The following SH3BGRL variants were observed in gnomAD, a reference collection of about 807,000 sequenced individuals.
SH3BGRL encodes SH3 domain binding glutamate rich protein like, also known as adapter SH3BGRL.
SH3BGRL carries 7 observed loss-of-function variants against 9.8 expected under a neutral mutation model. The observed-to-expected ratio is 0.72, with a 90% CI of 0.41 to 1.35. The LOEUF (loss-of-function observed/expected upper bound fraction) is 1.35. SH3BGRL is among the 40% of genes most tolerant of loss of function. The pLI, the probability that SH3BGRL is intolerant of heterozygous loss-of-function variation, is 0.01. For missense variants in SH3BGRL, 73 were observed against 84.4 expected (o/e 0.86, Z 0.53); for synonymous variants, 36 against 29.1 (o/e 1.24, Z -0.76).
intron 1 of SH3BGRL, among the ~76,000 whole-genome samples, chrX:81,250,406 CAAAA>C (rs60249894): frequency 1.2e-5 from 1 of 80,109 alleles, no homozygotes. Context: ...GACTCCGTCT[CAAAA>C]AAAAAAAAAA....
At chrX:81,215,737 G>A (rs1433296592) in intron 1 of SH3BGRL, among the ~76,000 whole-genome samples, 3 of 111,459 alleles carry the variant, frequency 2.7e-5, no homozygotes, top group Non-Finnish European at 3.8e-5. Flanking sequence ...CTTATTGAAT[G>A]ACAGTTCTGA....
At chrX:81,279,085 G>A (rs935918422) in intron 3 of SH3BGRL, among the ~76,000 whole-genome samples, 4 of 111,913 alleles carry the variant, frequency 3.6e-5, no homozygotes, top group Admixed American at 9.5e-5. Context: ...GTCATTTTAT[G>A]TTTTGCTCTT....
intron 1 of SH3BGRL, among the ~76,000 whole-genome samples, chrX:81,259,832 T>G (rs1469158531): frequency 8.9e-6 from 1 of 112,331 alleles, no homozygotes; most frequent in African/African-American, 3.2e-5. Context: ...AACTTCACAC[T>G]TTATTTGACT....
intron 1 of SH3BGRL, among the ~76,000 whole-genome samples, chrX:81,231,585 G>A (rs1301708985): frequency 8.9e-6 from 1 of 112,145 alleles, no homozygotes; most frequent in Non-Finnish European, 1.9e-5. Context: ...GCAGTTTGTT[G>A]CTGTATGTAG....
chrX:81,230,102 G>A (rs2147679239), intron 1 of SH3BGRL, among the ~76,000 whole-genome samples: 1 of 111,648 alleles, frequency 9.0e-6, no homozygotes, highest in Admixed American at 9.5e-5. Context: ...ACTCAAAAAT[G>A]ACTATACATT....
rs897866666 is a variant in SH3BGRL, at chrX:81,297,923, A to T, written c.*696A>T. 1 of 112,007 alleles carries T rather than the reference A, an allele frequency of 8.9e-6. No homozygotes were observed. The highest frequency in any genetic ancestry group is 3.2e-5 in the African/African-American group (1 of 30,926). The allele number at this position is 112,007 out of a possible 1,213,427, so 9.2% of individuals were successfully genotyped here. A position where few individuals can be genotyped will look rare whatever the true frequency, so the allele number is the denominator to read the frequency against. On this transcript the variant is annotated 3_prime_UTR_variant, in exon 4 of 4. Coordinates refer to ENST00000373212, the MANE Select transcript of SH3BGRL (RefSeq NM_003022.3). ...TGTTTAACTACACAGCTATGATGGA[A>T]TGATATATCCAAGTTCCTTGCCTCA...
At chrX:81,275,719 C>A (rs1176287225) in intron 1 of SH3BGRL, among the ~76,000 whole-genome samples, 1 of 112,191 alleles carries the variant, frequency 8.9e-6, no homozygotes, top group Non-Finnish European at 1.9e-5. Flanking sequence ...TTGCTAGATT[C>A]TAACTGATCT....
intron 3 of SH3BGRL, among the ~76,000 whole-genome samples, chrX:81,288,712 G>A (rs757617402): frequency 1.7e-4 from 19 of 110,700 alleles, no homozygotes; most frequent in African/African-American, 5.6e-4. Flanking sequence ...TAAATACCTA[G>A]GAATTAACTT....
chrX:81,278,632 C>T lies in SH3BGRL; in HGVS notation c.312+221C>T, dbSNP rs538749483. Among the ~76,000 whole-genome samples, 13 of 112,118 alleles carry T rather than the reference C, an allele frequency of 1.2e-4. No homozygotes were observed. In the South Asian group the frequency reaches 4.8e-3, roughly 41 times the overall value. Reference sequence around the variant, plus strand: ...GTTTAGCAGGTAGGTAGAGTGACTTCCCCATCAAGCTGCCCATGGGAGCAA... The same window carrying T: ...GTTTAGCAGGTAGGTAGAGTGACTTTCCCATCAAGCTGCCCATGGGAGCAA... On this transcript the variant is annotated intron_variant, in intron 3 of 3. Transcript: ENST00000373212.
At chrX:81,204,385 A>G (rs2075539424) in intron 1 of SH3BGRL, among the ~76,000 whole-genome samples, 1 of 111,717 alleles carries the variant, frequency 9.0e-6, no homozygotes, top group African/African-American at 3.3e-5. Context: ...TGCTGTACTA[A>G]AGTTTTCCTT....
intron 1 of SH3BGRL, among the ~76,000 whole-genome samples, chrX:81,208,118 C>T (rs1045669640): frequency 7.3e-5 from 8 of 110,338 alleles, no homozygotes; most frequent in Non-Finnish European, 1.5e-4. Flanking sequence ...AAAAAATAGC[C>T]GGGCGTGGTG....
chrX:81,237,746 A>G (rs147371591), intron 1 of SH3BGRL, among the ~76,000 whole-genome samples: 58 of 108,889 alleles, frequency 5.3e-4, no homozygotes, highest in South Asian at 1.7e-3. Flanking sequence ...AGCTACTAAG[A>G]CAATAGCTGG....
intron 1 of SH3BGRL, among the ~76,000 whole-genome samples, chrX:81,274,246 A>G (rs963470898): frequency 9.0e-5 from 10 of 111,478 alleles, no homozygotes; most frequent in African/African-American, 3.3e-4. Context: ...TAGGGAAATT[A>G]GGAAATTACC....
chrX:81,252,518 T>A (rs771196760), intron 1 of SH3BGRL, among the ~76,000 whole-genome samples: 1 of 111,615 alleles, frequency 9.0e-6, no homozygotes, highest in East Asian at 2.8e-4. Flanking sequence ...CGCTTTTTAG[T>A]AAAGGGGTAT....
chrX:81,211,224 C>T (rs2075562080), intron 1 of SH3BGRL, among the ~76,000 whole-genome samples: 1 of 111,543 alleles, frequency 9.0e-6, no homozygotes, highest in Non-Finnish European at 1.9e-5. Flanking sequence ...TGAGTGTCAA[C>T]TTGATTGGAT....
chrX:81,290,768 G>A (rs2075855373), intron 3 of SH3BGRL, among the ~76,000 whole-genome samples: 1 of 110,665 alleles, frequency 9.0e-6, no homozygotes, highest in Non-Finnish European at 1.9e-5. Context: ...TGGAGTTATG[G>A]ATACCCCGTT....
chrX:81,268,196 G>T (rs752888023), intron 1 of SH3BGRL, among the ~76,000 whole-genome samples: 101 of 109,567 alleles, frequency 9.2e-4, no homozygotes, highest in Non-Finnish European at 1.3e-3. Flanking sequence ...TTTTTGAAGG[G>T]TTTTTTTTGT....
At chrX:81,208,208 G>A (rs1481412740) in intron 1 of SH3BGRL, among the ~76,000 whole-genome samples, 1 of 111,150 alleles carries the variant, frequency 9.0e-6, no homozygotes. Flanking sequence ...GTTGCAGTGA[G>A]CCGAGATCGT....
At chrX:81,208,122 C>T (rs533658310) in intron 1 of SH3BGRL, among the ~76,000 whole-genome samples, 4 of 110,546 alleles carry the variant, frequency 3.6e-5, no homozygotes, top group African/African-American at 9.9e-5. Context: ...AATAGCCGGG[C>T]GTGGTGGCGG....
Sources: allele counts gnomAD v4.1 joint callset (sites outside exome capture counted in the v4.1 genomes callset), GRCh38; gene constraint gnomAD v4.1.1; transcripts MANE v1.5; gene names NCBI Gene and HGNC (gene_info 2026-07-23, HGNC 2026-07-21).